Variants in FBXW7 observed in about 807,000 individuals in gnomAD.
The protein encoded by FBXW7 is F-box and WD repeat domain containing 7, also known as F-box/WD repeat-containing protein 7.
Under a neutral mutation model 86.3 loss-of-function variants are expected in FBXW7, and 11 were observed. The ratio of observed to expected loss-of-function variants is 0.13; its 90% CI spans 0.08 to 0.21. The LOEUF (loss-of-function observed/expected upper bound fraction) is 0.21. FBXW7 is among the 10% of genes least tolerant of loss of function. The pLI, the probability that FBXW7 is intolerant of heterozygous loss-of-function variation, is 1.00. For missense variants in FBXW7, 488 were observed against 847.4 expected, an observed-to-expected ratio of 0.58 and a Z score of 5.27; for synonymous variants, 313 against 297.9, an observed-to-expected ratio of 1.05 and a Z score of -0.52.
intron 2 of FBXW7, among the ~76,000 whole-genome samples, chr4:152,449,090 G>T (rs1741676331): frequency 6.6e-6 from 1 of 152,180 alleles, no homozygotes; most frequent in Non-Finnish European, 1.5e-5. Flanking sequence ...AACTGCTGCT[G>T]CATTGCTTTG....
At chr4:152,351,696 T>C (rs1485784806) in intron 4 of FBXW7, among the ~76,000 whole-genome samples, 1 of 152,098 alleles carries the variant, frequency 6.6e-6, no homozygotes, top group Non-Finnish European at 1.5e-5. Context: ...TTCCACAAAT[T>C]CTTATCTTCA....
intron 4 of FBXW7, among the ~76,000 whole-genome samples, chr4:152,409,945 T>C (rs949624141): frequency 1.1e-4 from 16 of 152,286 alleles, no homozygotes; most frequent in Middle Eastern, 3.4e-3. Flanking sequence ...GTAATCATCA[T>C]ACACAAAATT....
rs1732134711 is a variant in FBXW7, at chr4:152,354,166, A to G, written c.502-4042T>C. On this transcript the variant is annotated intron_variant, in intron 4 of 13. Coordinates refer to ENST00000281708, the MANE Select transcript of FBXW7 (RefSeq NM_001349798.2). ...ATAAATGAAATTAAGATAACGTAAA[A>G]TTTTATGAAGATGTACATCTTGAGT... 3.3e-5 allele frequency among the ~76,000 whole-genome samples: 5 copies of G among 152,116 alleles called. No homozygotes were observed. In the South Asian group the frequency reaches 1.0e-3, roughly 32 times the overall value.
chr4:152,403,625 C>T lies in FBXW7; in HGVS notation c.501+7678G>A, dbSNP rs150469823. 3.5e-4 allele frequency among the ~76,000 whole-genome samples: 53 copies of T among 152,196 alleles called. No individual in the cohort carries two copies. In the East Asian group the frequency reaches 8.1e-3, roughly 23 times the overall value. On this transcript the variant is annotated intron_variant, in intron 4 of 13. Coordinates refer to ENST00000281708, the MANE Select transcript of FBXW7 (RefSeq NM_001349798.2). ...GAAACTGTTCCACCTCAGCTCACCA[C>T]GCATTAGACTCTCGGAAGGAGCATA...
chr4:152,344,799 A>C (rs1221446204), intron 6 of FBXW7, among the ~76,000 whole-genome samples: 3 of 152,170 alleles, frequency 2.0e-5, no homozygotes, highest in Non-Finnish European at 4.4e-5. Flanking sequence ...AAGAATATTC[A>C]GGTATTCCAA....
intron 2 of FBXW7, among the ~76,000 whole-genome samples, chr4:152,472,065 C>A (rs1744016377): frequency 6.6e-6 from 1 of 151,938 alleles, no homozygotes; most frequent in South Asian, 2.1e-4. Flanking sequence ...TTAAGATAGG[C>A]TAAAGACCAA....
chr4:152,506,432 T>C (rs933197469), intron 2 of FBXW7, among the ~76,000 whole-genome samples: 1 of 152,196 alleles, frequency 6.6e-6, no homozygotes, highest in African/African-American at 2.4e-5. Flanking sequence ...CGCCCGGCCA[T>C]GTGCTATACT....
intron 11 of FBXW7, among the ~76,000 whole-genome samples, chr4:152,326,528 T>C (rs955819540): frequency 1.3e-5 from 2 of 152,040 alleles, no homozygotes; most frequent in Non-Finnish European, 1.5e-5. Context: ...CACTGTACTG[T>C]ATTTTTTAAA....
At chr4:152,455,291 G>A (rs1008996609) in intron 2 of FBXW7, among the ~76,000 whole-genome samples, 3 of 152,120 alleles carry the variant, frequency 2.0e-5, no homozygotes, top group Non-Finnish European at 4.4e-5. Flanking sequence ...ACTACAGGAC[G>A]GAATTCAGGT....
intron 2 of FBXW7, among the ~76,000 whole-genome samples, chr4:152,426,336 G>T (rs1477353773): frequency 6.7e-6 from 1 of 150,036 alleles, no homozygotes; most frequent in East Asian, 2.0e-4. Flanking sequence ...AATATTTCCA[G>T]AGATAATGGC....
At chr4:152,472,105 C>G (rs1328223218) in intron 2 of FBXW7, among the ~76,000 whole-genome samples, 2 of 151,996 alleles carry the variant, frequency 1.3e-5, no homozygotes, top group African/African-American at 2.4e-5. Context: ...TACTACTACC[C>G]TCCAAAATGA....
Position 152,535,963 on chromosome 4 carries a change from C to A in FBXW7, c.-1049G>T. 1 of 283,112 alleles carries A rather than the reference C, an allele frequency of 3.5e-6. No individual in the cohort carries two copies. The highest frequency in any genetic ancestry group is 6.6e-6 in the Non-Finnish European group (1 of 151,422). The allele number at this position is 283,112 out of a possible 1,614,324, so 17.5% of individuals were successfully genotyped here. On this transcript the variant is annotated 5_prime_UTR_variant, in exon 1 of 14. Transcript: ENST00000281708. ...CTCGGCGGCGGCCAGTGCAGGGGGA[C>A]TGGATCTCTCGGATGCTCCTTCGCT... is the stretch of plus-strand genomic sequence containing the variant.
At chr4:152,445,050 T>G (rs1741245490) in intron 2 of FBXW7, among the ~76,000 whole-genome samples, 1 of 152,148 alleles carries the variant, frequency 6.6e-6, no homozygotes, top group African/African-American at 2.4e-5. Flanking sequence ...GGTCTCAAAC[T>G]TCTCGACTCA....
At chr4:152,435,476 T>C (rs1185919526) in intron 2 of FBXW7, among the ~76,000 whole-genome samples, 2 of 152,230 alleles carry the variant, frequency 1.3e-5, no homozygotes, top group African/African-American at 4.8e-5. Context: ...CATCCCATTA[T>C]TGATCTTCAC....
At chr4:152,500,297 T>C (rs1260148714) in intron 2 of FBXW7, among the ~76,000 whole-genome samples, 1 of 152,080 alleles carries the variant, frequency 6.6e-6, no homozygotes, top group East Asian at 1.9e-4. Context: ...TCATTTAGTA[T>C]AAGTCAATGC....
chr4:152,449,172 T>A (rs1741682668), intron 2 of FBXW7, among the ~76,000 whole-genome samples: 1 of 152,214 alleles, frequency 6.6e-6, no homozygotes, highest in African/African-American at 2.4e-5. Context: ...CTTTTATGAC[T>A]CTACAATTCA....
intron 2 of FBXW7, among the ~76,000 whole-genome samples, chr4:152,439,357 AAG>A (rs1417109038): frequency 1.3e-5 from 2 of 152,148 alleles, no homozygotes; most frequent in Non-Finnish European, 1.5e-5. Flanking sequence ...TCAAAGGAGA[AAG>A]CATAAATCCT....
At chr4:152,420,504 A>C (rs1738841444) in intron 2 of FBXW7, among the ~76,000 whole-genome samples, 1 of 152,202 alleles carries the variant, frequency 6.6e-6, no homozygotes, top group Non-Finnish European at 1.5e-5. Context: ...TTTTTGGTTT[A>C]CTTTGCCCAG....
At position 152,398,525 on chromosome 4, in the gene FBXW7, T is replaced by C. The variant is rs537488813; in HGVS notation, c.501+12778A>G. ...TTCTTAAAATTTTTCCCACAAATAATTGTAATGCTAAATGAAAAAAAATAG... is the reference window on the plus strand; with the variant it reads ...TTCTTAAAATTTTTCCCACAAATAACTGTAATGCTAAATGAAAAAAAATAG... On this transcript the variant is annotated intron_variant, in intron 4 of 13. Transcript: ENST00000281708. 9.9e-5 allele frequency among the ~76,000 whole-genome samples: 15 copies of C among 152,032 alleles called. No individual in the cohort carries two copies. In the South Asian group the frequency reaches 2.1e-3, roughly 21 times the overall value.
Sources: gnomAD v4.1 joint callset for allele counts (sites outside exome capture counted in the v4.1 genomes callset) on GRCh38, gnomAD v4.1.1 for gene constraint, MANE v1.5 for transcripts, NCBI Gene and HGNC (gene_info 2026-07-23, HGNC 2026-07-21) for gene names.